The following TRPC1 variants were observed in gnomAD, a reference collection of about 807,000 sequenced individuals.
TRPC1 encodes the protein transient receptor potential cation channel subfamily C member 1, also known as short transient receptor potential channel 1.
A neutral mutation model predicts 88.2 loss-of-function variants in TRPC1; 42 were observed. That is an observed-to-expected ratio of 0.48 (90% CI 0.37 to 0.62). The LOEUF (loss-of-function observed/expected upper bound fraction) is 0.62. Ranked by LOEUF, TRPC1 falls within the 20% of genes least tolerant of loss-of-function variation. The pLI, the probability that TRPC1 is intolerant of heterozygous loss-of-function variation, is 0.00. For missense variants in TRPC1, 699 were observed against 957.3 expected, an observed-to-expected ratio of 0.73 and a Z score of 3.56; for synonymous variants, 288 against 331.8, an observed-to-expected ratio of 0.87 and a Z score of 1.43.
At chr3:142,762,428 ATTT>A (rs755194552) in intron 4 of TRPC1, among the ~76,000 whole-genome samples, 4 of 103,642 alleles carry the variant, frequency 3.9e-5, no homozygotes, top group African/African-American at 7.4e-5. Context: ...TTTATTCTTG[ATTT>A]TTTTTTTTTT....
intron 9 of TRPC1, among the ~76,000 whole-genome samples, chr3:142,801,011 A>AT: frequency 6.6e-6 from 1 of 152,106 alleles, no homozygotes; most frequent in Non-Finnish European, 1.5e-5. Context: ...GTAAACTTCC[A>AT]GAAACTTCCT....
Position 142,743,182 on chromosome 3 carries a change from A to T in TRPC1, c.328-303A>T, listed in dbSNP as rs1214898675. 4.0e-5 allele frequency among the ~76,000 whole-genome samples: 6 copies of T among 150,264 alleles called. No individual in the cohort carries two copies. In the East Asian group the frequency reaches 9.7e-4, roughly 24 times the overall value. On this transcript the variant is annotated intron_variant, in intron 2 of 12. Coordinates refer to ENST00000476941, the MANE Select transcript of TRPC1 (RefSeq NM_001251845.2). ...TCAAGAGTAAGGATCTTGAAAAAAAATTTTCAACTTTAAATCCTGCATGGA... is the reference window on the plus strand; with the variant it reads ...TCAAGAGTAAGGATCTTGAAAAAAATTTTTCAACTTTAAATCCTGCATGGA...
chr3:142,777,907 C>T (rs1935837157), intron 5 of TRPC1, 144 bp downstream of exon 5: 1 of 835,676 alleles, frequency 1.2e-6, no homozygotes, highest in Admixed American at 3.1e-5. Context: ...CAACAGACCC[C>T]TGCTCTCCCT....
chr3:142,780,810 A>G (rs968221673), intron 5 of TRPC1, 24 bp from the exon 6 acceptor site: 1 of 1,563,680 alleles, frequency 6.4e-7, no homozygotes, highest in African/African-American at 1.4e-5. Context: ...GACGTTTCTG[A>G]TAATAGAATG....
chr3:142,801,000 T>C (rs1199837999), intron 9 of TRPC1, among the ~76,000 whole-genome samples: 1 of 152,110 alleles, frequency 6.6e-6, no homozygotes, highest in Non-Finnish European at 1.5e-5. Context: ...CAATTTCTTA[T>C]GTAAACTTCC....
At chr3:142,783,598 C>T (rs1936033197) in intron 6 of TRPC1, among the ~76,000 whole-genome samples, 2 of 151,984 alleles carry the variant, frequency 1.3e-5, no homozygotes, top group Middle Eastern at 3.2e-3. Flanking sequence ...ATTGTTGATC[C>T]ATGGTTGGTT....
chr3:142,781,601 CCTTT>C (rs1935959041), intron 6 of TRPC1, among the ~76,000 whole-genome samples: 1 of 151,966 alleles, frequency 6.6e-6, no homozygotes, highest in African/African-American at 2.4e-5. Flanking sequence ...TGGCATCATC[CCTTT>C]CTATTAAGAG....
In TRPC1 at chr3:142,789,682, G is replaced by T. The variant is rs565759445; in HGVS notation, c.1298-1337G>T. On this transcript the variant is annotated intron_variant, in intron 7 of 12. Transcript: ENST00000476941. ...TCTCCCCGAAAATGACTTAATGAAGGAATGTACCATAAAATGATCCTGAAT... is the reference window on the plus strand; with the variant it reads ...TCTCCCCGAAAATGACTTAATGAAGTAATGTACCATAAAATGATCCTGAAT... 2.6e-5 allele frequency among the ~76,000 whole-genome samples: 4 copies of T among 152,214 alleles called. No homozygotes were observed. In the East Asian group the frequency reaches 7.7e-4, roughly 29 times the overall value.
chr3:142,757,150 T>C (rs1283041646), intron 4 of TRPC1, among the ~76,000 whole-genome samples: 1 of 152,196 alleles, frequency 6.6e-6, no homozygotes, highest in Non-Finnish European at 1.5e-5. Context: ...GTTGAGTCCA[T>C]ATCTTGACTA....
intron 1 of TRPC1, among the ~76,000 whole-genome samples, chr3:142,734,787 TA>T (rs138090969): frequency 0.038 from 5,531 of 145,494 alleles, 354 homozygotes; most frequent in African/African-American, 0.13. Context: ...AAAATAAAAA[TA>T]AAAAAAAAAA....
At chr3:142,755,984 T>G (rs1234216391) in intron 4 of TRPC1, among the ~76,000 whole-genome samples, 1 of 152,216 alleles carries the variant, frequency 6.6e-6, no homozygotes, top group African/African-American at 2.4e-5. Flanking sequence ...TACTAGAAAT[T>G]TCATATAAAT....
At chr3:142,736,325 A>G in intron 1 of TRPC1, 54 bp from the exon 2 acceptor site, 1 of 1,373,294 alleles carries the variant, frequency 7.3e-7, no homozygotes, top group Non-Finnish European at 9.7e-7. Flanking sequence ...CTTTACAGTC[A>G]TCCTTACTTG....
In TRPC1 at chr3:142,763,989, TAC is replaced by T. The variant is rs1560105013; in HGVS notation, c.633-13641_633-13640del. On this transcript the variant is annotated intron_variant, in intron 4 of 12. Transcript: ENST00000476941. ...ATATATATATATATATATATACACA[TAC>T]ATACATACATATATATATATATATA... Among the ~76,000 whole-genome samples, 380 of 64,920 alleles carry T rather than the reference TAC, an allele frequency of 5.9e-3. 40 individuals carry two copies. Among genetic ancestry groups the T allele is most frequent in the African/African-American group, 0.041 (354 of 8,642 alleles). 42.6% of individuals were successfully genotyped at this position (64,920 alleles called of 152,430 possible). A position where few individuals can be genotyped will look rare whatever the true frequency, so the allele number is the denominator to read the frequency against.
At chr3:142,733,679 G>A (rs148221532) in intron 1 of TRPC1, among the ~76,000 whole-genome samples, 18 of 152,136 alleles carry the variant, frequency 1.2e-4, no homozygotes, top group African/African-American at 3.6e-4. Flanking sequence ...CTCTTCCTAC[G>A]TTTCTGTCTC....
chr3:142,753,581 TTGG>T (rs1934854721), intron 4 of TRPC1, among the ~76,000 whole-genome samples: 1 of 151,710 alleles, frequency 6.6e-6, no homozygotes. Context: ...CCTGGCCAAC[TTGG>T]TGAAACCTCG....
chr3:142,764,723 A>T (rs1162851813), intron 4 of TRPC1, among the ~76,000 whole-genome samples: 1 of 151,906 alleles, frequency 6.6e-6, no homozygotes, highest in Non-Finnish European at 1.5e-5. Context: ...TGTGAGTTTG[A>T]TTATTATATG....
chr3:142,756,502 G>A (rs1227065789), intron 4 of TRPC1, among the ~76,000 whole-genome samples: 1 of 152,078 alleles, frequency 6.6e-6, no homozygotes, highest in Non-Finnish European at 1.5e-5. Context: ...TGGAACTACA[G>A]GCGCCCACCA....
At position 142,780,814 on chromosome 3, in the gene TRPC1, T is replaced by C. The variant is rs376748807; in HGVS notation, c.765-20T>C. On this transcript the variant is annotated intron_variant, in intron 5 of 12. Transcript: ENST00000476941. ...AAGATGGAAACGACGTTTCTGATAA[T>C]AGAATGCTGCATTTTATAGGAATGA... 1.3e-6 allele frequency: 2 copies of C among 1,574,918 alleles called. No homozygotes were observed. The highest frequency in any genetic ancestry group is 2.7e-5 in the African/African-American group (2 of 72,998).
intron 2 of TRPC1, among the ~76,000 whole-genome samples, chr3:142,739,032 C>T (rs184826932): frequency 3.3e-5 from 5 of 152,128 alleles, no homozygotes; most frequent in Admixed American, 3.3e-4. Context: ...AGTGCAATGG[C>T]GTGATCTCGG....
Sources: gnomAD v4.1 joint callset for allele counts (sites outside exome capture counted in the v4.1 genomes callset) on GRCh38, gnomAD v4.1.1 for gene constraint, MANE v1.5 for transcripts, NCBI Gene and HGNC (gene_info 2026-07-23, HGNC 2026-07-21) for gene names.